Variants in RAB6B observed in about 807,000 individuals in gnomAD.
The protein encoded by RAB6B is ras-related protein Rab-6B.
Under a neutral mutation model 31.2 loss-of-function variants are expected in RAB6B, and 7 were observed. That is an observed-to-expected ratio of 0.22 (90% CI 0.13 to 0.42). The LOEUF (loss-of-function observed/expected upper bound fraction) is 0.42, where lower values mean the gene tolerates loss of function less well. Ranked by LOEUF, RAB6B falls within the 10% of genes least tolerant of loss-of-function variation. RAB6B has a pLI of 1.00. For missense variants in RAB6B, 149 were observed against 280.6 expected, an observed-to-expected ratio of 0.53 and a Z score of 3.35; for synonymous variants, 105 against 104.9, an observed-to-expected ratio of 1.00 and a Z score of -0.01.
At chr3:133,840,628 C>T (rs1184507347) in intron 4 of RAB6B, among the ~76,000 whole-genome samples, 1 of 152,202 alleles carries the variant, frequency 6.6e-6, no homozygotes, top group African/African-American at 2.4e-5. Flanking sequence ...TCGCCCACTT[C>T]AGGGTAACCA....
At chr3:133,849,860 A>T (rs1935954094) in intron 2 of RAB6B, among the ~76,000 whole-genome samples, 1 of 152,232 alleles carries the variant, frequency 6.6e-6, no homozygotes, top group Non-Finnish European at 1.5e-5. Flanking sequence ...GACAGAATAG[A>T]AACAAGAACT....
At chr3:133,838,366 G>T in intron 5 of RAB6B, 107 bp from the exon 6 acceptor site, 1 of 995,086 alleles carries the variant, frequency 1.0e-6, no homozygotes, top group South Asian at 1.3e-5. Context: ...TGGGCCCTTG[G>T]TCAGTCCTGA....
intron 7 of RAB6B, among the ~76,000 whole-genome samples, chr3:133,831,185 T>C (rs1935651353): frequency 6.6e-6 from 1 of 152,244 alleles, no homozygotes; most frequent in African/African-American, 2.4e-5. Context: ...GGGATGTTTG[T>C]TAAAAATACG....
At chr3:133,869,941 C>A (rs569405075) in intron 1 of RAB6B, among the ~76,000 whole-genome samples, 1 of 152,196 alleles carries the variant, frequency 6.6e-6, no homozygotes, top group African/African-American at 2.4e-5. Flanking sequence ...AATTCGTGAG[C>A]GATGTAAATA....
At chr3:133,878,803 A>G (rs1936429934) in intron 1 of RAB6B, among the ~76,000 whole-genome samples, 1 of 152,242 alleles carries the variant, frequency 6.6e-6, no homozygotes, top group Non-Finnish European at 1.5e-5. Flanking sequence ...GCAATACTAT[A>G]AGAAAAATAT....
chr3:133,851,265 G>A (rs370577142), intron 2 of RAB6B, among the ~76,000 whole-genome samples: 1 of 152,202 alleles, frequency 6.6e-6, no homozygotes, highest in Admixed American at 6.5e-5. Flanking sequence ...GTCAATGCAG[G>A]ACATTGTTTG....
At chr3:133,834,676 C>G (rs370960508) in intron 6 of RAB6B, 35 bp from the exon 7 acceptor site, 1 of 1,591,732 alleles carries the variant, frequency 6.3e-7, no homozygotes, top group African/African-American at 1.3e-5. Flanking sequence ...TGAACCCCAA[C>G]CCTGGCCCTC....
At chr3:133,867,374 G>GT (rs1380630697) in intron 1 of RAB6B, among the ~76,000 whole-genome samples, 2 of 152,184 alleles carry the variant, frequency 1.3e-5, no homozygotes, top group African/African-American at 4.8e-5. Flanking sequence ...CAGAGGAGAC[G>GT]TGGCACCTGC....
At chr3:133,892,821 G>C (rs185630904) in intron 1 of RAB6B, among the ~76,000 whole-genome samples, 375 of 152,326 alleles carry the variant, frequency 2.5e-3, no homozygotes, top group Middle Eastern at 0.014. Flanking sequence ...CCACTGCACA[G>C]GCTGCAGAGA....
Position 133,861,400 on chromosome 3 carries a change from G to T in RAB6B, c.129+3184C>A, listed in dbSNP as rs568912848. ...TTTGGGGGTGAGGAGGTAAGTGTGA[G>T]GCAAGAGGAGGTAGAAGACCTGCTC... On this transcript the variant is annotated intron_variant, in intron 2 of 7. Coordinates refer to ENST00000285208, the MANE Select transcript of RAB6B (RefSeq NM_016577.4). Among the ~76,000 whole-genome samples, 3 of 152,270 alleles carry T rather than the reference G, an allele frequency of 2.0e-5. No individual in the cohort carries two copies. In the East Asian group the frequency reaches 5.8e-4, roughly 29 times the overall value.
At position 133,867,697 on chromosome 3, in the gene RAB6B, A is replaced by G. The variant is rs576669424; in HGVS notation, c.71-3055T>C. Among the ~76,000 whole-genome samples, 5 of 152,262 alleles carry G rather than the reference A, an allele frequency of 3.3e-5. No homozygotes were observed. The South Asian group carries it at 8.3e-4, about 25-fold the overall frequency. The stretch of plus-strand genomic sequence containing the variant: ...TCCCCACTTGGTAGGGGCTTGATCC[A>G]ATCTGAAAGGTCAGAAACTGGTCAC... On this transcript the variant is annotated intron_variant, in intron 1 of 7. Transcript: ENST00000285208.
intron 1 of RAB6B, among the ~76,000 whole-genome samples, chr3:133,893,922 G>A (rs1456455002): frequency 6.6e-6 from 1 of 152,124 alleles, no homozygotes; most frequent in Non-Finnish European, 1.5e-5. Flanking sequence ...CAGGGCAAAC[G>A]CTGGCTGGCT....
chr3:133,842,117 G>T (rs1003950962), intron 2 of RAB6B, among the ~76,000 whole-genome samples: 2 of 152,250 alleles, frequency 1.3e-5, no homozygotes, highest in Non-Finnish European at 2.9e-5. Flanking sequence ...GAGGCAGGGG[G>T]CAGGAGCAGG....
intron 2 of RAB6B, among the ~76,000 whole-genome samples, chr3:133,860,425 C>T (rs1193473997): frequency 6.6e-6 from 1 of 152,190 alleles, no homozygotes; most frequent in Admixed American, 6.5e-5. Context: ...GGGGGATTCT[C>T]TCCCAGAGCC....
At chr3:133,849,162 C>G (rs1403203555) in intron 2 of RAB6B, among the ~76,000 whole-genome samples, 1 of 152,206 alleles carries the variant, frequency 6.6e-6, no homozygotes, top group African/African-American at 2.4e-5. Flanking sequence ...ACCTCCTCTA[C>G]AAATCATTTT....
chr3:133,833,649 A>G (rs1399320660), intron 7 of RAB6B, among the ~76,000 whole-genome samples: 1 of 152,068 alleles, frequency 6.6e-6, no homozygotes, highest in Non-Finnish European at 1.5e-5. Flanking sequence ...GTGCCCTTCC[A>G]TCTTCCCAGG....
chr3:133,850,054 AC>A (rs147046551), intron 2 of RAB6B, among the ~76,000 whole-genome samples: 4,422 of 152,268 alleles, frequency 0.029, 202 homozygotes, highest in African/African-American at 0.099. Flanking sequence ...CAGAGAGGTG[AC>A]CCCAAATTCT....
At chr3:133,861,950 A>G (rs190854879) in intron 2 of RAB6B, among the ~76,000 whole-genome samples, 172 of 152,228 alleles carry the variant, frequency 1.1e-3, no homozygotes, top group African/African-American at 4.0e-3. Flanking sequence ...GATCTTGTCT[A>G]CTTCTCGAAT....
chr3:133,857,128 G>A (rs529942409), intron 2 of RAB6B, among the ~76,000 whole-genome samples: 1 of 152,232 alleles, frequency 6.6e-6, no homozygotes, highest in East Asian at 1.9e-4. Context: ...TATTATCTTG[G>A]TTTGTTGCAG....
Sources: gnomAD v4.1 joint callset for allele counts (sites outside exome capture counted in the v4.1 genomes callset) on GRCh38, gnomAD v4.1.1 for gene constraint, MANE v1.5 for transcripts, NCBI Gene and HGNC (gene_info 2026-07-23, HGNC 2026-07-21) for gene names.